SLC5A4: variants seen among roughly 807,000 people sequenced by gnomAD.
SLC5A4 encodes probable glucose sensor protein SLC5A4.
A neutral mutation model predicts 70.3 loss-of-function variants in SLC5A4; 55 were observed. The ratio of observed to expected loss-of-function variants is 0.78; its 90% confidence interval spans 0.63 to 0.98. The LOEUF (loss-of-function observed/expected upper bound fraction) is 0.98. Ranked by LOEUF, SLC5A4 falls within the 50% of genes least tolerant of loss-of-function variation. The probability of loss-of-function intolerance (pLI) is 0.00; values close to 1 mark genes in which losing one functional copy is unlikely to be tolerated. For missense variants in SLC5A4, 735 were observed against 839.2 expected (o/e 0.88, Z 1.53); for synonymous variants, 268 against 305.7 (o/e 0.88, Z 1.29).
In SLC5A4 at chr22:32,229,289, G is replaced by A. The variant is rs1385794315; in HGVS notation, c.1185C>T (p.Thr395=). 1.3e-5 allele frequency: 21 copies of A among 1,614,062 alleles called. No homozygotes were observed. Among genetic ancestry groups the A allele is most frequent in the Non-Finnish European group, 1.6e-5 (19 of 1,180,048 alleles). Residue 395 remains threonine, a synonymous_variant, in exon 11 of 15, where the codon ACC becomes ACT. Coordinates refer to ENST00000266086, the MANE Select transcript of SLC5A4 (RefSeq NM_014227.3). ...GGGTGCTGGCGCTGTTGAAGATGGA[G>A]GTCAGGGAGCTCATGAGAGAGGCCA... ...VMLASLMSSL[T]SIFNSASTLF... is the part of the protein sequence containing the mutation.
At chr22:32,289,692 G>A in the SLC5A4 span, among the ~76,000 whole-genome samples, 4 of 152,184 alleles carry the variant, frequency 2.6e-5, no homozygotes, top group South Asian at 2.1e-4. Flanking sequence ...CCAGCCATGC[G>A]GAACTGTGAG....
chr22:32,295,132 C>T, the SLC5A4 span, among the ~76,000 whole-genome samples: 3 of 108,318 alleles, frequency 2.8e-5, 1 homozygote, highest in Non-Finnish European at 6.0e-5. Flanking sequence ...CATACATGTG[C>T]ATGTATCTTT....
intron 12 of SLC5A4, among the ~76,000 whole-genome samples, chr22:32,225,300 G>T (rs868639624): frequency 6.6e-6 from 1 of 152,070 alleles, no homozygotes; most frequent in Non-Finnish European, 1.5e-5. Flanking sequence ...CATAGAATAG[G>T]TGCTATCATT....
the SLC5A4 span, among the ~76,000 whole-genome samples, chr22:32,292,512 G>A: frequency 2.0e-5 from 3 of 150,996 alleles, no homozygotes; most frequent in Admixed American, 2.0e-4. Flanking sequence ...CTTAGAGGCA[G>A]AGAGTGAGTC....
At chr22:32,313,134 T>C in the SLC5A4 span, among the ~76,000 whole-genome samples, 1 of 152,216 alleles carries the variant, frequency 6.6e-6, no homozygotes, top group Non-Finnish European at 1.5e-5. Context: ...GAAAATTTAA[T>C]AGAATCAACA....
chr22:32,324,661 T>C, the SLC5A4 span, among the ~76,000 whole-genome samples: 11,818 of 152,256 alleles, frequency 0.078, 627 homozygotes, highest in Admixed American at 0.16. Context: ...ATGGCAGAGA[T>C]GTCCACGGCC....
At chr22:32,271,827 C>T in the SLC5A4 span, 14 of 606,960 alleles carry the variant, frequency 2.3e-5, no homozygotes, top group East Asian at 1.3e-4. Context: ...TATGATTCCC[C>T]GTGGCCTGTC....
chr22:32,292,629 C>A, the SLC5A4 span, among the ~76,000 whole-genome samples: 1 of 151,784 alleles, frequency 6.6e-6, no homozygotes, highest in African/African-American at 2.4e-5. Context: ...TTATAGAATT[C>A]TATCTTAATG....
At chr22:32,264,786 C>T in the SLC5A4 span, among the ~76,000 whole-genome samples, 2 of 152,194 alleles carry the variant, frequency 1.3e-5, no homozygotes, top group African/African-American at 4.8e-5. Flanking sequence ...AGCTGTTCCA[C>T]ACTTTTTTTG....
chr22:32,221,736 G>GT (rs529067362), intron 13 of SLC5A4, among the ~76,000 whole-genome samples: 224 of 148,742 alleles, frequency 1.5e-3, no homozygotes, highest in East Asian at 4.5e-3. Flanking sequence ...AAGTATCAAT[G>GT]TTTTTTTTTT....
At chr22:32,333,419 G>C in the SLC5A4 span, among the ~76,000 whole-genome samples, 1 of 152,158 alleles carries the variant, frequency 6.6e-6, no homozygotes, top group Non-Finnish European at 1.5e-5. Flanking sequence ...AATGGGTGTA[G>C]GTAAGCACCT....
chr22:32,323,067 C>T, the SLC5A4 span, among the ~76,000 whole-genome samples: 4 of 152,166 alleles, frequency 2.6e-5, no homozygotes, highest in Admixed American at 1.3e-4. Flanking sequence ...AACTATAGTT[C>T]GATTTGCTTA....
chr22:32,286,415 G>A, the SLC5A4 span, among the ~76,000 whole-genome samples: 95,419 of 152,022 alleles, frequency 0.63, 30,050 homozygotes, highest in East Asian at 0.7. Context: ...TCTGTGTTGA[G>A]ATTGTGGAGA....
At chr22:32,283,692 A>G in the SLC5A4 span, among the ~76,000 whole-genome samples, 1 of 152,240 alleles carries the variant, frequency 6.6e-6, no homozygotes. Flanking sequence ...GAGGTAAGAT[A>G]ATTAGGACTT....
chr22:32,330,825 GGT>G, the SLC5A4 span, among the ~76,000 whole-genome samples: 33 of 80,250 alleles, frequency 4.1e-4, 1 homozygote, highest in South Asian at 2.8e-3. Context: ...GGGAGGCTCT[GGT>G]GTGTGTGTGT....
intron 12 of SLC5A4, 22 bp from the exon 13 acceptor site, chr22:32,224,504 A>T: frequency 6.4e-7 from 1 of 1,557,436 alleles, no homozygotes; most frequent in Non-Finnish European, 8.9e-7. Context: ...GCAAGAAGAA[A>T]ATCAGAATGT....
chr22:32,271,751 C>G, the SLC5A4 span: 1 of 587,496 alleles, frequency 1.7e-6, no homozygotes, highest in Non-Finnish European at 3.2e-6. Flanking sequence ...CAACTGTCCC[C>G]GCGGCTTCCT....
At chr22:32,347,238 C>T in the SLC5A4 span, among the ~76,000 whole-genome samples, 1 of 152,174 alleles carries the variant, frequency 6.6e-6, no homozygotes, top group South Asian at 2.1e-4. Context: ...GAAATAGGAA[C>T]ACTTTCACAC....
the SLC5A4 span, among the ~76,000 whole-genome samples, chr22:32,337,463 G>A: frequency 6.6e-6 from 1 of 152,198 alleles, no homozygotes; most frequent in Non-Finnish European, 1.5e-5. Flanking sequence ...GAACCCCGGA[G>A]GTGGAGGTTG....
Sources: allele counts gnomAD v4.1 joint callset (sites outside exome capture counted in the v4.1 genomes callset), GRCh38; gene constraint gnomAD v4.1.1; transcripts MANE v1.5; gene names NCBI Gene and HGNC (gene_info 2026-07-23, HGNC 2026-07-21).